Variants in PHLPP2 observed in about 807,000 individuals in gnomAD.
The protein encoded by PHLPP2 is PH domain and leucine rich repeat protein phosphatase 2, also known as PH domain leucine-rich repeat-containing protein phosphatase 2.
Under a neutral mutation model 124.9 loss-of-function variants are expected in PHLPP2, and 66 were observed. That is an observed-to-expected ratio of 0.53 (90% CI 0.43 to 0.65). PHLPP2 has a LOEUF of 0.65. Ranked by LOEUF, PHLPP2 falls within the 30% of genes least tolerant of loss-of-function variation. PHLPP2 has a pLI of 0.00. For missense variants in PHLPP2, 1,685 were observed against 1,600.4 expected (o/e 1.05, Z -0.90); for synonymous variants, 681 against 624.7 (o/e 1.09, Z -1.34).
At chr16:71,704,835 G>A (rs575843690) in intron 2 of PHLPP2, among the ~76,000 whole-genome samples, 2 of 152,236 alleles carry the variant, frequency 1.3e-5, no homozygotes, top group South Asian at 4.1e-4. Context: ...AGAAAGACAC[G>A]TTTTAAGGGG....
rs992085841 is a variant in PHLPP2 at position 71,655,427 on chromosome 16, C to G, written c.2398G>C (p.Val800Leu). 7 of 1,611,860 alleles carry G rather than the reference C, an allele frequency of 4.3e-6. No individual in the cohort carries two copies. The highest frequency in any genetic ancestry group is 5.1e-6 in the Non-Finnish European group (6 of 1,178,114). Residue 800 changes from valine (V) to leucine (L), a missense_variant, in exon 17 of 19, where the codon GTC becomes CTC. Val to Leu is a conservative substitution (Grantham distance 32). Coordinates refer to ENST00000568954, the MANE Select transcript of PHLPP2 (RefSeq NM_015020.3). ...EMAGQRNKLCVSALAMDSFAE... is the reference protein window; with the variant it reads ...EMAGQRNKLCLSALAMDSFAE... The stretch of plus-strand genomic sequence containing the variant: ...AAGCTATCCATAGCAAGTGCTGAGA[C>G]ACACAGCCTATAATAGAAACATGAA...
rs190145429 is a variant in PHLPP2 at position 71,666,760 on chromosome 16, G to A, written c.1784+418C>T. ...CACATAAAGACTGTAATTCAAAGGC[G>A]GTTTGGTAAAGCTAGGAGCAAAAAC... On this transcript the variant is annotated intron_variant, in intron 12 of 18. Transcript: ENST00000568954. 1.7e-3 allele frequency among the ~76,000 whole-genome samples: 258 copies of A among 152,288 alleles called. 4 individuals carry two copies. Among genetic ancestry groups the A allele is most frequent in the Admixed American group, 3.3e-3 (51 of 15,286 alleles).
chr16:71,689,019 C>T (rs1055223715), intron 4 of PHLPP2, among the ~76,000 whole-genome samples: 39 of 152,128 alleles, frequency 2.6e-4, no homozygotes, highest in Middle Eastern at 6.3e-3. Flanking sequence ...AAGATACCAA[C>T]CAGCCTGGCA....
At chr16:71,715,282 C>G (rs1030349062) in intron 1 of PHLPP2, 1 of 157,244 alleles carries the variant, frequency 6.4e-6, no homozygotes, top group Admixed American at 6.1e-5. Flanking sequence ...AGTTGGAGAA[C>G]AGATTGAACC....
At chr16:71,703,502 TA>T (rs67878827) in intron 2 of PHLPP2, among the ~76,000 whole-genome samples, 74,815 of 150,280 alleles carry the variant, frequency 0.5, 18,774 homozygotes, top group Middle Eastern at 0.65. Flanking sequence ...GAAAAATATT[TA>T]AAAAAAAAAC....
rs536324202 is a variant in PHLPP2, at chr16:71,658,764, C to T, written c.2037G>A (p.Lys679=). ...QLEELNLSGN[K]LKTIPTTIAN... is the part of the protein sequence containing the mutation. ...CTATGGTTGTGGGAATGGTTTTAAG[C>T]TTGTTGCCACTTAGGTTCAGTTCCT... The change falls in exon 14 of 19, where the codon AAG becomes AAA. Residue 679 remains lysine, a synonymous_variant. Transcript: ENST00000568954. 6.8e-6 allele frequency: 11 copies of T among 1,614,144 alleles called. No individual in the cohort carries two copies. Among genetic ancestry groups the T allele is most frequent in the Middle Eastern group, 1.6e-4 (1 of 6,062 alleles).
Position 71,648,718 on chromosome 16 carries a change from C to T in PHLPP2, c.*172G>A. 1 of 602,992 alleles carries T rather than the reference C, an allele frequency of 1.7e-6. No individual in the cohort carries two copies. Among genetic ancestry groups the T allele is most frequent in the Non-Finnish European group, 2.9e-6 (1 of 342,050 alleles). 37.4% of individuals were successfully genotyped at this position (602,992 alleles called of 1,614,324 possible). On this transcript the variant is annotated 3_prime_UTR_variant, in exon 19 of 19. Coordinates refer to ENST00000568954, the MANE Select transcript of PHLPP2 (RefSeq NM_015020.3). ...ACCCAGGGACAGAGGCTGCAGTGACCCGAGACCCCACCATTGCACTCCAGC... is the reference window on the plus strand; with the variant it reads ...ACCCAGGGACAGAGGCTGCAGTGACTCGAGACCCCACCATTGCACTCCAGC...
Position 71,710,081 on chromosome 16 carries a change from C to T in PHLPP2, c.284+4431G>A, listed in dbSNP as rs187446234. 1.4e-3 allele frequency among the ~76,000 whole-genome samples: 214 copies of T among 152,176 alleles called. 2 individuals carry two copies. Among genetic ancestry groups the T allele is most frequent in the African/African-American group, 4.9e-3 (203 of 41,538 alleles). ...CCAGGCTGATCTAGGACTCCTGAGC[C>T]CAAGCAATCCTTCTGCCTTGGCCTC... On this transcript the variant is annotated intron_variant, in intron 2 of 18. Coordinates refer to ENST00000568954, the MANE Select transcript of PHLPP2 (RefSeq NM_015020.3).
At chr16:71,670,721 C>CACACACACA (rs1555545714) in intron 10 of PHLPP2, among the ~76,000 whole-genome samples, 1 of 151,064 alleles carries the variant, frequency 6.6e-6, no homozygotes, top group South Asian at 2.1e-4. Context: ...CACACACACA[C>CACACACACA]GAGAGGAGGG....
chr16:71,648,949 G>A lies in PHLPP2; in HGVS notation c.3913C>T (p.Pro1305Ser). ...GTCCGATCCTCTTCATGGGGCTCAG[G>A]CTCGAGCCGGCTGTCCTGGTGCTGT... Reference protein sequence around the residue: ...MKQHQDSRLEPEPHEEDRTEP... With the variant: ...MKQHQDSRLESEPHEEDRTEP... The change falls in exon 19 of 19, where the codon CCT (proline) becomes TCT (serine). Residue 1305 changes from proline to serine, a missense_variant. Transcript: ENST00000568954. The A allele has an allele frequency of 6.2e-7, 1 of 1,613,702 alleles. No individual in the cohort carries two copies. Among genetic ancestry groups the A allele is most frequent in the Non-Finnish European group, 8.5e-7 (1 of 1,180,032 alleles).
chr16:71,659,476 C>G (rs2044770695), intron 13 of PHLPP2, among the ~76,000 whole-genome samples: 1 of 152,140 alleles, frequency 6.6e-6, no homozygotes, highest in Non-Finnish European at 1.5e-5. Context: ...GTCTCAAACT[C>G]CCAACCTCAG....
Position 71,697,486 on chromosome 16 carries a change from G to C in PHLPP2, c.418+5112C>G, listed in dbSNP as rs141770825. On this transcript the variant is annotated intron_variant, in intron 3 of 18. Coordinates refer to ENST00000568954, the MANE Select transcript of PHLPP2 (RefSeq NM_015020.3). ...TGCCCCACTACAATTTTGTTACTAT[G>C]AAAGAACAGATTTTGATAAACAATA... Among the ~76,000 whole-genome samples the C allele has an allele frequency of 3.3e-4, 51 of 152,246 alleles. No individual in the cohort carries two copies. The East Asian group carries it at 9.7e-3, about 29-fold the overall frequency.
Position 71,663,991 on chromosome 16 carries a change from G to A in PHLPP2, c.1893C>T (p.Leu631=). The change falls in exon 13 of 19, where the codon CTC becomes CTT. Residue 631 remains leucine, a synonymous_variant. Coordinates refer to ENST00000568954, the MANE Select transcript of PHLPP2 (RefSeq NM_015020.3). ...GGACAGGTATGCACTGATCCGTCAG[G>A]AGATTGTTGGTCAGATAAAGCAGCT... ...MLQLLYLTNN[L]LTDQCIPVLV... is the part of the protein sequence containing the mutation. The A allele has an allele frequency of 6.2e-7, 1 of 1,613,938 alleles. No homozygotes were observed. Among genetic ancestry groups the A allele is most frequent in the Non-Finnish European group, 8.5e-7 (1 of 1,179,806 alleles).
At chr16:71,679,149 C>T (rs1305823622) in intron 7 of PHLPP2, among the ~76,000 whole-genome samples, 164 bp from the exon 8 acceptor site, 1 of 152,208 alleles carries the variant, frequency 6.6e-6, no homozygotes, top group African/African-American at 2.4e-5. Context: ...GATTTACACA[C>T]AACTTAAACA....
intron 11 of PHLPP2, among the ~76,000 whole-genome samples, chr16:71,668,326 G>A (rs1290501571): frequency 6.7e-6 from 1 of 149,208 alleles, no homozygotes. Flanking sequence ...TGAGGCAGGA[G>A]GATGGTGTGA....
At chr16:71,672,366 G>A (rs1212171359) in intron 9 of PHLPP2, 44 bp from the exon 10 acceptor site, 1 of 1,356,378 alleles carries the variant, frequency 7.4e-7, no homozygotes, top group African/African-American at 1.4e-5. Context: ...CTCTAAAAAA[G>A]AAAGTAACTG....
chr16:71,653,214 G>A (rs1289209156), intron 17 of PHLPP2, among the ~76,000 whole-genome samples, 193 bp from the exon 18 acceptor site: 1 of 149,922 alleles, frequency 6.7e-6, no homozygotes. Context: ...TTCCACTCTC[G>A]CTGAGGAAAA....
intron 3 of PHLPP2, among the ~76,000 whole-genome samples, chr16:71,697,172 C>CAATAAATAAATAAATAAATA (rs71389694): frequency 4.0e-5 from 5 of 124,042 alleles, no homozygotes; most frequent in Non-Finnish European, 6.6e-5. Context: ...GACTCTGTCT[C>CAATAAATAAATAAATAAATA]AATAAATAAA....
chr16:71,661,420 T>G (rs950185810), intron 13 of PHLPP2, among the ~76,000 whole-genome samples: 5 of 152,146 alleles, frequency 3.3e-5, no homozygotes, highest in Non-Finnish European at 7.3e-5. Context: ...CTTTGATATG[T>G]TTTAAGTTTT....
Sources: gnomAD v4.1 joint callset for allele counts (sites outside exome capture counted in the v4.1 genomes callset) on GRCh38, gnomAD v4.1.1 for gene constraint, MANE v1.5 for transcripts, NCBI Gene and HGNC (gene_info 2026-07-23, HGNC 2026-07-21) for gene names.